Variants in SLC8A1 observed in about 807,000 individuals in gnomAD.
SLC8A1 encodes the protein sodium/calcium exchanger 1.
SLC8A1 carries 18 observed loss-of-function variants against 68.3 expected under a neutral mutation model. That is an observed-to-expected ratio of 0.26 (90% CI 0.18 to 0.39). SLC8A1 has a LOEUF of 0.39. Ranked by LOEUF, SLC8A1 falls within the 10% of genes least tolerant of loss-of-function variation. SLC8A1 has a pLI of 1.00. For missense variants in SLC8A1, 985 were observed against 1,156.7 expected (o/e 0.85, Z 2.15); for synonymous variants, 475 against 415.5 (o/e 1.14, Z -1.74).
chr2:40,170,392 T>C (rs762762830), intron 4 of SLC8A1, 43 bp from the exon 7 acceptor site: 75 of 1,533,048 alleles, frequency 4.9e-5, no homozygotes, highest in Admixed American at 1.7e-4. Context: ...ATGGATTGCA[T>C]TGATTTGCTA....
rs1573284596 is a variant in SLC8A1, at chr2:40,155,138, A to ATTC, written c.2161+5626_2161+5627insGAA. On this transcript the variant is annotated intron_variant, in intron 6 of 7. Transcript: ENST00000406785. Reference sequence around the variant, plus strand: ...ACACAGCAGAATTATTATTATTATTATTATTTTTTGAGATGGAGTCTCGCT... The same window carrying ATTC: ...ACACAGCAGAATTATTATTATTATTATTCTTATTTTTTGAGATGGAGTCTCGCT... Among the ~76,000 whole-genome samples the ATTC allele has an allele frequency of 5.0e-5, 7 of 140,388 alleles. No homozygotes were observed. In the South Asian group the frequency reaches 1.6e-3, roughly 32 times the overall value. The allele number at this position is 140,388 out of a possible 152,430, so 92.1% of individuals were successfully genotyped here.
At chr2:40,206,467 C>G (rs1457417613) in intron 2 of SLC8A1, among the ~76,000 whole-genome samples, 3 of 151,968 alleles carry the variant, frequency 2.0e-5, no homozygotes, top group African/African-American at 7.2e-5. Context: ...TTCAGGCAGC[C>G]AAAATGAAGG....
chr2:40,254,410 T>C (rs1308672675), intron 2 of SLC8A1: 1 of 151,532 alleles, frequency 6.6e-6, no homozygotes, highest in Non-Finnish European at 1.5e-5. Flanking sequence ...TTTTGTTTTT[T>C]TTTTTTCAGG....
At chr2:40,374,335 G>A (rs1679106499) in intron 2 of SLC8A1, among the ~76,000 whole-genome samples, 2 of 151,668 alleles carry the variant, frequency 1.3e-5, no homozygotes, top group Non-Finnish European at 2.9e-5. Flanking sequence ...AATATGGGGA[G>A]ACCCTGTCTC....
chr2:40,452,197 C>T (rs1450039141), upstream of SLC8A1: 2 of 147,720 alleles, frequency 1.4e-5, no homozygotes, highest in Non-Finnish European at 3.0e-5. Flanking sequence ...CGCACACTCG[C>T]CCGCCCGCCG....
At chr2:40,421,952 A>G (rs965470333) in intron 2 of SLC8A1, among the ~76,000 whole-genome samples, 2 of 152,078 alleles carry the variant, frequency 1.3e-5, no homozygotes, top group Non-Finnish European at 1.5e-5. Context: ...CCATATTGTT[A>G]ATTGCTGCTT....
At chr2:40,351,209 G>A (rs1010191234) in intron 2 of SLC8A1, among the ~76,000 whole-genome samples, 1 of 152,134 alleles carries the variant, frequency 6.6e-6, no homozygotes, top group Admixed American at 6.6e-5. Context: ...GCGACTGAGT[G>A]TGAATTTTAT....
At chr2:40,396,686 G>A (rs1362478168) in intron 2 of SLC8A1, among the ~76,000 whole-genome samples, 1 of 134,938 alleles carries the variant, frequency 7.4e-6, no homozygotes, top group East Asian at 2.5e-4. Flanking sequence ...AAGATTACTA[G>A]TCTAAGTGAG....
chr2:40,418,406 TC>T (rs1191836790), intron 2 of SLC8A1, among the ~76,000 whole-genome samples: 1 of 152,126 alleles, frequency 6.6e-6, no homozygotes, highest in Non-Finnish European at 1.5e-5. Flanking sequence ...ATACAACAGC[TC>T]AGAAAGACTC....
chr2:40,112,814 G>A (rs963033524), exon 8 of SLC8A1: 14 of 152,274 alleles, frequency 9.2e-5, no homozygotes, highest in Admixed American at 9.2e-4. Flanking sequence ...GCCCTTCTTG[G>A]TTTAAAATGG....
chr2:40,274,369 C>A (rs2066437026), intron 2 of SLC8A1, among the ~76,000 whole-genome samples: 1 of 151,876 alleles, frequency 6.6e-6, no homozygotes, highest in African/African-American at 2.4e-5. Context: ...CTAGGCTGTC[C>A]AGCCCCACAC....
chr2:40,269,049 G>A (rs1553464185), intron 2 of SLC8A1, among the ~76,000 whole-genome samples: 3 of 152,174 alleles, frequency 2.0e-5, no homozygotes, highest in Admixed American at 6.5e-5. Flanking sequence ...TGAAAACCAC[G>A]AAGATGATGG....
chr2:40,304,863 C>T (rs1292565146), intron 2 of SLC8A1, among the ~76,000 whole-genome samples: 1 of 152,164 alleles, frequency 6.6e-6, no homozygotes, highest in Non-Finnish European at 1.5e-5. Flanking sequence ...GGTGGAATCC[C>T]TTTGCCTATT....
chr2:40,227,140 A>G (rs2059084146), intron 2 of SLC8A1, among the ~76,000 whole-genome samples: 1 of 152,134 alleles, frequency 6.6e-6, no homozygotes, highest in African/African-American at 2.4e-5. Flanking sequence ...AACTCTTTAT[A>G]TAACAAGGAA....
intron 2 of SLC8A1, among the ~76,000 whole-genome samples, chr2:40,233,788 G>C (rs367555238): frequency 1.9e-4 from 29 of 152,010 alleles, no homozygotes; most frequent in Middle Eastern, 3.4e-3. Flanking sequence ...GTGTCAGGAA[G>C]GGATCCAGTT....
At chr2:40,341,616 A>C (rs964378095) in intron 2 of SLC8A1, among the ~76,000 whole-genome samples, 8 of 152,176 alleles carry the variant, frequency 5.3e-5, no homozygotes, top group Non-Finnish European at 8.8e-5. Flanking sequence ...TGCTTTTTGG[A>C]AAGTTTCTTA....
chr2:40,278,035 T>C (rs2066997716), intron 2 of SLC8A1, among the ~76,000 whole-genome samples: 1 of 152,038 alleles, frequency 6.6e-6, no homozygotes, highest in Non-Finnish European at 1.5e-5. Context: ...TCTGTAGGTA[T>C]CTCAGTATTT....
At chr2:40,455,265 G>T (rs946264002), upstream of SLC8A1, among the ~76,000 whole-genome samples, 2 of 152,094 alleles carry the variant, frequency 1.3e-5, no homozygotes, top group Admixed American at 6.5e-5. Context: ...ATGTGATCAG[G>T]TTACCAAGAT....
chr2:40,271,525 C>T (rs1445606455), intron 2 of SLC8A1, among the ~76,000 whole-genome samples: 1 of 152,148 alleles, frequency 6.6e-6, no homozygotes, highest in Admixed American at 6.5e-5. Context: ...TTTCACAGTC[C>T]TTACCACGAC....
Sources: gnomAD v4.1 joint callset for allele counts (sites outside exome capture counted in the v4.1 genomes callset) on GRCh38, gnomAD v4.1.1 for gene constraint, MANE v1.5 for transcripts, NCBI Gene and HGNC (gene_info 2026-07-23, HGNC 2026-07-21) for gene names.